PPFIA2: variants seen among roughly 807,000 people sequenced by gnomAD.
The protein encoded by PPFIA2 is liprin-alpha-2.
PPFIA2 carries 46 observed loss-of-function variants against 175.5 expected under a neutral mutation model. The ratio of observed to expected loss-of-function variants is 0.26; its 90% CI spans 0.21 to 0.34. The LOEUF (loss-of-function observed/expected upper bound fraction) is 0.34, where lower values mean the gene tolerates loss of function less well. Ranked by LOEUF, PPFIA2 falls within the 10% of genes least tolerant of loss-of-function variation. The pLI is 1.00. For missense variants in PPFIA2, 1,179 were observed against 1,506.1 expected, an observed-to-expected ratio of 0.78 and a Z score of 3.60; for synonymous variants, 568 against 511.4, an observed-to-expected ratio of 1.11 and a Z score of -1.49.
intron 9 of PPFIA2, among the ~76,000 whole-genome samples, chr12:81,377,421 T>A (rs73354684): frequency 6.6e-6 from 1 of 151,614 alleles, no homozygotes; most frequent in Admixed American, 6.6e-5. Context: ...GCATCATGGC[T>A]CATGCCTGTA....
intron 15 of PPFIA2, among the ~76,000 whole-genome samples, chr12:81,360,584 A>C (rs982688780): frequency 7.9e-5 from 12 of 151,652 alleles, no homozygotes; most frequent in African/African-American, 2.9e-4. Context: ...AAGAGAGAAG[A>C]GTGGTCACTG....
chr12:81,289,132 T>G (rs1465226824), intron 24 of PPFIA2, among the ~76,000 whole-genome samples: 1 of 151,826 alleles, frequency 6.6e-6, no homozygotes, highest in Non-Finnish European at 1.5e-5. Flanking sequence ...GCTGTAGTTG[T>G]GAGAGTCAAA....
At chr12:81,509,208 G>T (rs1435835816) in intron 4 of PPFIA2, among the ~76,000 whole-genome samples, 1 of 152,112 alleles carries the variant, frequency 6.6e-6, no homozygotes, top group Non-Finnish European at 1.5e-5. Context: ...TGTTTGTTTA[G>T]ATGTGTAGAT....
chr12:81,516,375 GATATA>G lies in PPFIA2; in HGVS notation c.304-58514_304-58510del, dbSNP rs1567154116. Among the ~76,000 whole-genome samples, 5 of 152,176 alleles carry G rather than the reference GATATA, an allele frequency of 3.3e-5. No homozygotes were observed. The East Asian group carries it at 5.8e-4, about 18-fold the overall frequency. On this transcript the variant is annotated intron_variant, in intron 4 of 32. Coordinates refer to ENST00000549396, the MANE Select transcript of PPFIA2 (RefSeq NM_003625.5). The stretch of plus-strand genomic sequence containing the variant: ...TACCAGACATTTCCAATTATAATTT[GATATA>G]TAAAATAAAATTTCACTTTGTTGTT...
intron 21 of PPFIA2, among the ~76,000 whole-genome samples, chr12:81,334,925 A>T (rs2056847125): frequency 6.6e-6 from 1 of 152,190 alleles, no homozygotes. Flanking sequence ...CTTAATCCAC[A>T]TCATCATAAA....
intron 3 of PPFIA2, among the ~76,000 whole-genome samples, chr12:81,703,326 T>C (rs10862345): frequency 0.2 from 30,922 of 151,890 alleles, 3,949 homozygotes; most frequent in East Asian, 0.31. Flanking sequence ...TTTTTCTCCT[T>C]CTTAGACTTC....
At chr12:81,456,245 T>G (rs927765468) in intron 5 of PPFIA2, among the ~76,000 whole-genome samples, 3 of 152,098 alleles carry the variant, frequency 2.0e-5, no homozygotes, top group Non-Finnish European at 4.4e-5. Flanking sequence ...AGGAAATATA[T>G]AGAGAGGAAG....
intron 22 of PPFIA2, among the ~76,000 whole-genome samples, chr12:81,316,108 T>A (rs1231168856): frequency 6.6e-6 from 1 of 151,022 alleles, no homozygotes; most frequent in South Asian, 2.1e-4. Flanking sequence ...ATATACTTAA[T>A]ACACACACAC....
At chr12:81,595,629 T>G (rs2059162173) in intron 4 of PPFIA2, among the ~76,000 whole-genome samples, 4 of 152,120 alleles carry the variant, frequency 2.6e-5, no homozygotes, top group African/African-American at 9.7e-5. Flanking sequence ...GCATATGTGT[T>G]TGCACAGAAG....
intron 4 of PPFIA2, among the ~76,000 whole-genome samples, chr12:81,469,975 T>C (rs2056442900): frequency 6.6e-6 from 1 of 152,178 alleles, no homozygotes; most frequent in African/African-American, 2.4e-5. Flanking sequence ...GCAGAACCCA[T>C]CCATGCTGAA....
chr12:81,413,284 T>C (rs561498605), intron 7 of PPFIA2, among the ~76,000 whole-genome samples: 5 of 151,778 alleles, frequency 3.3e-5, no homozygotes, highest in Non-Finnish European at 7.4e-5. Context: ...AAAAAAAGCA[T>C]ATGAGGAGTT....
At chr12:81,597,086 A>C (rs1305296677) in intron 4 of PPFIA2, among the ~76,000 whole-genome samples, 1 of 152,112 alleles carries the variant, frequency 6.6e-6, no homozygotes, top group Non-Finnish European at 1.5e-5. Flanking sequence ...ATACAGCCAG[A>C]ATAATTAAAT....
intron 4 of PPFIA2, among the ~76,000 whole-genome samples, chr12:81,648,238 A>T (rs1447158710): frequency 6.6e-6 from 1 of 151,856 alleles, no homozygotes; most frequent in Non-Finnish European, 1.5e-5. Context: ...CATACAAAAA[A>T]ACTTTTAGAA....
At chr12:81,304,426 AAC>A (rs1390594842) in intron 22 of PPFIA2, among the ~76,000 whole-genome samples, 1 of 152,206 alleles carries the variant, frequency 6.6e-6, no homozygotes, top group East Asian at 1.9e-4. Flanking sequence ...GATTTGTATA[AAC>A]ACATATACAC....
intron 9 of PPFIA2, among the ~76,000 whole-genome samples, chr12:81,378,588 A>G (rs2036932501): frequency 6.6e-6 from 1 of 152,052 alleles, no homozygotes; most frequent in South Asian, 2.1e-4. Context: ...TAGAGTTTTT[A>G]TCTTAGAGGA....
At chr12:81,386,168 C>T (rs1011282569) in intron 8 of PPFIA2, among the ~76,000 whole-genome samples, 2 of 151,074 alleles carry the variant, frequency 1.3e-5, no homozygotes, top group Non-Finnish European at 2.9e-5. Flanking sequence ...GTGCTAGCTG[C>T]TCAAGAGGCT....
intron 4 of PPFIA2, among the ~76,000 whole-genome samples, chr12:81,636,815 A>G (rs1329632260): frequency 3.3e-5 from 5 of 150,102 alleles, no homozygotes; most frequent in Admixed American, 6.6e-5. Flanking sequence ...ACCACGCCCA[A>G]GTAAATTTTG....
intron 3 of PPFIA2, among the ~76,000 whole-genome samples, chr12:81,748,971 C>A (rs1227862131): frequency 6.9e-6 from 1 of 144,236 alleles, no homozygotes; most frequent in African/African-American, 2.4e-5. Context: ...TCAAACAAAT[C>A]TTTTTTTCAT....
At chr12:81,644,774 T>G (rs572736905) in intron 4 of PPFIA2, among the ~76,000 whole-genome samples, 3 of 152,250 alleles carry the variant, frequency 2.0e-5, no homozygotes, top group East Asian at 3.9e-4. Flanking sequence ...GTAAGCATAG[T>G]GCTCAATGAT....
Sources: allele counts gnomAD v4.1 joint callset (sites outside exome capture counted in the v4.1 genomes callset), GRCh38; gene constraint gnomAD v4.1.1; transcripts MANE v1.5; gene names NCBI Gene and HGNC (gene_info 2026-07-23, HGNC 2026-07-21).